Variants in COG3 observed in about 807,000 individuals in gnomAD.
COG3 encodes the protein component of oligomeric golgi complex 3.
In COG3, 32 loss-of-function variants were observed where a neutral mutation model predicts 114.1. That is an observed-to-expected ratio of 0.28 (90% CI 0.21 to 0.38). The LOEUF is 0.38. Among genes scored for constraint, COG3 ranks in the 10% least tolerant of loss-of-function variants. The pLI is 1.00. For synonymous variants in COG3, 352 were observed against 365.7 expected (o/e 0.96, Z 0.43); for missense variants, 813 against 973.2 (o/e 0.84, Z 2.19).
At chr13:45,523,452 G>T (rs1232209784) in intron 19 of COG3, among the ~76,000 whole-genome samples, 1 of 152,050 alleles carries the variant, frequency 6.6e-6, no homozygotes, top group Non-Finnish European at 1.5e-5. Context: ...GTGAGACGAT[G>T]GGTCTTTGTT....
At chr13:45,503,596 G>A (rs1223321387) in intron 14 of COG3, among the ~76,000 whole-genome samples, 1 of 152,168 alleles carries the variant, frequency 6.6e-6, no homozygotes, top group Non-Finnish European at 1.5e-5. Context: ...TCTGAGTGTG[G>A]GAAGGTGGGC....
At chr13:45,483,697 G>C (rs1349138068) in intron 7 of COG3, among the ~76,000 whole-genome samples, 1 of 152,170 alleles carries the variant, frequency 6.6e-6, no homozygotes, top group Non-Finnish European at 1.5e-5. Flanking sequence ...AAAAGTGGCT[G>C]TGTCTGAGTG....
At chr13:45,526,419 C>T (rs1872703235) in intron 20 of COG3, among the ~76,000 whole-genome samples, 1 of 151,960 alleles carries the variant, frequency 6.6e-6, no homozygotes, top group South Asian at 2.1e-4. Context: ...CTTAGGTTAA[C>T]TTGAAGTTGA....
Position 45,498,356 on chromosome 13 carries a change from C to CTT in COG3, c.1488+2063_1488+2064dup, listed in dbSNP as rs61289410. Among the ~76,000 whole-genome samples the CTT allele has an allele frequency of 6.9e-3, 814 of 117,604 alleles. 24 individuals are homozygous for CTT. The highest frequency in any genetic ancestry group is 0.03 in the East Asian group (120 of 4,008). 77.2% of individuals were successfully genotyped at this position (117,604 alleles called of 152,430 possible). ...ATTTCCCCATTTGTCCTTCAGATGTCTTTTTTTTTTTTTTTTTTTTGAGAC... is the reference window on the plus strand; with the variant it reads ...ATTTCCCCATTTGTCCTTCAGATGTCTTTTTTTTTTTTTTTTTTTTTTGAGAC... On this transcript the variant is annotated intron_variant, in intron 13 of 22. Transcript: ENST00000349995.
Position 45,529,872 on chromosome 13 carries a change from A to T in COG3, c.2312A>T (p.Tyr771Phe). ...LPVTLRSMSL[Y>F]LSNKDTEFIL... ...GTGACATTGAGAAGTATGTCCTTGTACCTATCCAATAAAGATACCGAGTTC... is the reference window on the plus strand; with the variant it reads ...GTGACATTGAGAAGTATGTCCTTGTTCCTATCCAATAAAGATACCGAGTTC... Residue 771 changes from tyrosine (Y) to phenylalanine (F), a missense_variant, in exon 21 of 23, where the codon TAC becomes TTC. This residue lies in a region of COG3 where 389 missense variants were observed against 542.6 expected (regional missense o/e 0.72). Transcript: ENST00000349995. The T allele has an allele frequency of 6.2e-7, 1 of 1,613,570 alleles. No homozygotes were observed. Among genetic ancestry groups the T allele is most frequent in the South Asian group, 1.1e-5 (1 of 90,980 alleles).
intron 19 of COG3, among the ~76,000 whole-genome samples, chr13:45,520,750 G>A (rs920437448): frequency 6.6e-6 from 1 of 152,098 alleles, no homozygotes; most frequent in Non-Finnish European, 1.5e-5. Flanking sequence ...GGATAGAAAT[G>A]CTTTCTCCTA....
chr13:45,492,012 C>T lies in COG3; in HGVS notation c.1096-147C>T, dbSNP rs866752284. On this transcript the variant is annotated intron_variant, in intron 10 of 22. Coordinates refer to ENST00000349995, the MANE Select transcript of COG3 (RefSeq NM_031431.4). Reference sequence around the variant, plus strand: ...ATAATCTCATTATGCAGTCATCTATCGAAAACCAACCATTTTCCGTTCTTC... The same window carrying T: ...ATAATCTCATTATGCAGTCATCTATTGAAAACCAACCATTTTCCGTTCTTC... The T allele has an allele frequency of 7.0e-5, 36 of 511,274 alleles. 2 individuals are homozygous for T. In the Middle Eastern group the frequency reaches 7.0e-3, roughly 99 times the overall value. 31.7% of individuals were successfully genotyped at this position (511,274 alleles called of 1,614,324 possible).
chr13:45,505,106 G>A (rs1869977757), intron 14 of COG3, among the ~76,000 whole-genome samples: 1 of 151,390 alleles, frequency 6.6e-6, no homozygotes, highest in South Asian at 2.1e-4. Context: ...AGAATCTCTT[G>A]AACCCAGGAG....
rs2137941867 is a variant in COG3 at position 45,535,662 on chromosome 13, T to G, written c.*931T>G. ...TCCTGTCTATTCATTCAGCTGGCTG[T>G]GCTGTGCTGTGGACCAGCTGTGTGG... is the stretch of plus-strand genomic sequence containing the variant. On this transcript the variant is annotated 3_prime_UTR_variant, in exon 23 of 23. Coordinates refer to ENST00000349995, the MANE Select transcript of COG3 (RefSeq NM_031431.4). The G allele has an allele frequency of 1.0e-6, 1 of 985,598 alleles. No homozygotes were observed. Among genetic ancestry groups the G allele is most frequent in the Non-Finnish European group, 1.2e-6 (1 of 830,022 alleles). 61.1% of individuals were successfully genotyped at this position (985,598 alleles called of 1,614,324 possible).
intron 5 of COG3, 123 bp from the exon 6 acceptor site, chr13:45,482,258 T>C (rs377098801): frequency 1.9e-6 from 1 of 518,204 alleles, no homozygotes; most frequent in Non-Finnish European, 3.4e-6. Flanking sequence ...TTGGTGACTT[T>C]TAAAATTTAT....
chr13:45,486,959 C>G (rs1341555410), intron 8 of COG3, among the ~76,000 whole-genome samples: 1 of 152,170 alleles, frequency 6.6e-6, no homozygotes, highest in South Asian at 2.1e-4. Flanking sequence ...TACAAAGACT[C>G]TCTCACGAGG....
chr13:45,509,925 T>C, intron 15 of COG3, 109 bp downstream of exon 15: 1 of 1,143,042 alleles, frequency 8.7e-7, no homozygotes, highest in Non-Finnish European at 1.2e-6. Flanking sequence ...AAAATCATGA[T>C]TTTTAGATAT....
chr13:45,490,689 A>G (rs12869486), intron 8 of COG3, among the ~76,000 whole-genome samples: 23,418 of 152,052 alleles, frequency 0.15, 2,982 homozygotes, highest in African/African-American at 0.35. Flanking sequence ...TAGTATAATT[A>G]CAGTTTTACT....
At chr13:45,496,943 G>A (rs1007695365) in intron 13 of COG3, among the ~76,000 whole-genome samples, 4 of 152,232 alleles carry the variant, frequency 2.6e-5, no homozygotes, top group Non-Finnish European at 4.4e-5. Context: ...AAGGTGCTGG[G>A]ATTACTGGCG....
At chr13:45,486,300 G>A (rs1351690336) in intron 7 of COG3, among the ~76,000 whole-genome samples, 195 bp from the exon 8 acceptor site, 6 of 66,546 alleles carry the variant, frequency 9.0e-5, no homozygotes, top group Non-Finnish European at 1.7e-4. Flanking sequence ...CGGGAGACGG[G>A]AGACGGGAGA....
chr13:45,469,231 T>A (rs1471431385), intron 1 of COG3, among the ~76,000 whole-genome samples: 3 of 152,162 alleles, frequency 2.0e-5, no homozygotes, highest in Non-Finnish European at 4.4e-5. Flanking sequence ...TTTACTCACA[T>A]CTAGGTTACA....
Position 45,489,205 on chromosome 13 carries a change from A to C in COG3, c.925-1710A>C, listed in dbSNP as rs1164270711. Among the ~76,000 whole-genome samples the C allele has an allele frequency of 1.5e-5, 2 of 133,708 alleles. 1 individual carries two copies. The highest frequency in any genetic ancestry group is 5.4e-5 in the African/African-American group (2 of 37,274). The allele number at this position is 133,708 out of a possible 152,430, so 87.7% of individuals were successfully genotyped here. A position where few individuals can be genotyped will look rare whatever the true frequency, so the allele number is the denominator to read the frequency against. ...CTGTTTCAAAAAAAAAAAAAAAAAA[A>C]AAAAAAAGAGCCAGCCAGTTGAAAG... On this transcript the variant is annotated intron_variant, in intron 8 of 22. Transcript: ENST00000349995.
rs1873096620 is a variant in COG3, at chr13:45,530,670, C to T, written c.2359-12C>T. On this transcript the variant is annotated splice_polypyrimidine_tract_variant and intron_variant, in intron 21 of 22. Coordinates refer to ENST00000349995, the MANE Select transcript of COG3 (RefSeq NM_031431.4). Reference sequence around the variant, plus strand: ...AACTCATTTGATAAGATCTCCTCTCCTCCTTTCTAAGAATAATATTCAGCA... The same window carrying T: ...AACTCATTTGATAAGATCTCCTCTCTTCCTTTCTAAGAATAATATTCAGCA... 1 of 1,518,234 alleles carries T rather than the reference C, an allele frequency of 6.6e-7. No individual in the cohort carries two copies. The highest frequency in any genetic ancestry group is 1.1e-5 in the South Asian group (1 of 89,100). 94.0% of individuals were successfully genotyped at this position (1,518,234 alleles called of 1,614,324 possible).
chr13:45,528,568 CCTT>C (rs1218917189), intron 20 of COG3, among the ~76,000 whole-genome samples: 1 of 152,164 alleles, frequency 6.6e-6, no homozygotes, highest in Non-Finnish European at 1.5e-5. Context: ...CCAAACTAGT[CCTT>C]CTTTCAGAGG....
Sources: allele counts gnomAD v4.1 joint callset (sites outside exome capture counted in the v4.1 genomes callset), GRCh38; gene constraint gnomAD v4.1.1; regional missense constraint gnomAD v4.1.1; transcripts MANE v1.5; gene names NCBI Gene and HGNC (gene_info 2026-07-23, HGNC 2026-07-21).